The following NCAPH variants were observed in gnomAD, a reference collection of about 807,000 sequenced individuals.
The protein encoded by NCAPH is condensin complex subunit 2.
A neutral mutation model predicts 85.5 loss-of-function variants in NCAPH; 38 were observed. The ratio of observed to expected loss-of-function variants is 0.44; its 90% CI spans 0.34 to 0.58. The LOEUF is 0.58. Ranked by LOEUF, NCAPH falls within the 20% of genes least tolerant of loss-of-function variation. The pLI is 0.01. For synonymous variants in NCAPH, 301 were observed against 335.1 expected (o/e 0.90, Z 1.11); for missense variants, 789 against 916.6 (o/e 0.86, Z 1.80).
chr2:96,353,533 G>C (rs2064478979), intron 8 of NCAPH, 136 bp downstream of exon 8: 1 of 757,354 alleles, frequency 1.3e-6, no homozygotes, highest in African/African-American at 1.7e-5. Flanking sequence ...ACTTCTGTAG[G>C]GACAAAAACC....
intron 17 of NCAPH, among the ~76,000 whole-genome samples, chr2:96,372,165 A>G (rs1421083453): frequency 2.0e-5 from 3 of 152,190 alleles, no homozygotes; most frequent in Admixed American, 2.0e-4. Context: ...GAAAGGTCTC[A>G]TAGCTGCTTA....
intron 7 of NCAPH, 134 bp downstream of exon 7, chr2:96,352,154 A>G (rs2064453286): frequency 1.1e-6 from 1 of 892,476 alleles, no homozygotes; most frequent in African/African-American, 1.7e-5. Context: ...GGAATGCCAA[A>G]TTGTGTATCC....
At chr2:96,368,910 T>C in intron 15 of NCAPH, 62 bp from the exon 16 acceptor site, 1 of 1,450,266 alleles carries the variant, frequency 6.9e-7, no homozygotes. Context: ...AACTTTATTT[T>C]TGTTGCCCTT....
intron 9 of NCAPH, 37 bp from the exon 10 acceptor site, chr2:96,359,008 T>C: frequency 6.3e-7 from 1 of 1,594,576 alleles, no homozygotes; most frequent in Non-Finnish European, 8.6e-7. Context: ...AGCATTATAA[T>C]ATATGTATTG....
At chr2:96,343,553 C>T (rs187754349) in intron 5 of NCAPH, among the ~76,000 whole-genome samples, 1 of 152,272 alleles carries the variant, frequency 6.6e-6, no homozygotes, top group Admixed American at 6.5e-5. Context: ...TAAACATCAC[C>T]AACTAAGGAA....
chr2:96,358,016 C>T (rs1417836102), intron 9 of NCAPH, among the ~76,000 whole-genome samples: 1 of 152,136 alleles, frequency 6.6e-6, no homozygotes, highest in Non-Finnish European at 1.5e-5. Flanking sequence ...TCCTGACACG[C>T]CTGTAATCCT....
At chr2:96,356,230 ACCCATCCTTAAAT>A (rs1490876648) in intron 9 of NCAPH, among the ~76,000 whole-genome samples, 1 of 152,200 alleles carries the variant, frequency 6.6e-6, no homozygotes, top group Non-Finnish European at 1.5e-5. Context: ...CTCAGATTTT[ACCCATCCTTAAAT>A]CCCCTCCCCT....
chr2:96,351,734 T>A, intron 6 of NCAPH, 97 bp from the exon 7 acceptor site: 1 of 1,037,196 alleles, frequency 9.6e-7, no homozygotes, highest in Non-Finnish European at 1.4e-6. Flanking sequence ...CAGTCCAGTG[T>A]ATATACCTGC....
chr2:96,358,594 G>A (rs1055766017), intron 9 of NCAPH, among the ~76,000 whole-genome samples: 2 of 151,944 alleles, frequency 1.3e-5, no homozygotes, highest in East Asian at 1.9e-4. Context: ...TCAGCCTCCG[G>A]AGTAGCTGGG....
chr2:96,367,666 CAAAAAT>C (rs2064718872), intron 15 of NCAPH, among the ~76,000 whole-genome samples: 1 of 152,074 alleles, frequency 6.6e-6, no homozygotes, highest in Admixed American at 6.5e-5. Context: ...AAAAAGAAAA[CAAAAAT>C]AAAAGGAAGA....
chr2:96,338,045 G>T (rs993735215), intron 1 of NCAPH, among the ~76,000 whole-genome samples: 2 of 151,674 alleles, frequency 1.3e-5, no homozygotes, highest in African/African-American at 2.4e-5. Context: ...TCCTGCCTCA[G>T]CCTACCGAGT....
At chr2:96,372,021 A>G (rs2064781091) in intron 17 of NCAPH, among the ~76,000 whole-genome samples, 1 of 152,260 alleles carries the variant, frequency 6.6e-6, no homozygotes, top group African/African-American at 2.4e-5. Context: ...TGAGCTGCAG[A>G]AAACCCGCGA....
rs1319022220 is a variant in NCAPH at position 96,363,829 on chromosome 2, C to CT, written c.1588-641dup. Among the ~76,000 whole-genome samples, 1,001 of 145,820 alleles carry CT rather than the reference C, an allele frequency of 6.9e-3. 8 individuals carry two copies. The highest frequency in any genetic ancestry group is 0.023 in the African/African-American group (924 of 39,928). ...CTGTTAATTAAGGTAATGGGTTTTC[C>CT]TTTTTTTTTTTAAAGACAGGGTCTC... is the stretch of plus-strand genomic sequence containing the variant. On this transcript the variant is annotated intron_variant, in intron 12 of 17. Transcript: ENST00000240423.
In NCAPH at chr2:96,365,955, G is replaced by A. The variant is rs2064692291; in HGVS notation, c.1778G>A (p.Cys593Tyr). 6.2e-7 allele frequency: 1 copy of A among 1,614,116 alleles called. No individual in the cohort carries two copies. Among genetic ancestry groups the A allele is most frequent in the African/African-American group, 1.3e-5 (1 of 75,006 alleles). Residue 593 changes from cysteine to tyrosine, a missense_variant, in exon 14 of 18, where the codon TGC becomes TAC. By Grantham distance (194) the Cys-to-Tyr change is radical. Coordinates refer to ENST00000240423, the MANE Select transcript of NCAPH (RefSeq NM_015341.5). ...VGNSDLSPYP[C>Y]HPPKTAQQNG... ...AACTCTGACCTCTCACCTTATCCTT[G>A]CCATCCACCTAAGACAGCACAACAG...
Position 96,343,147 on chromosome 2 carries a change from G to A in NCAPH, c.457-19G>A, listed in dbSNP as rs1297522503. The stretch of plus-strand genomic sequence containing the variant: ...TTTTTTGTGTATCTTTGTGAGTGCA[G>A]CTCTGATTGTTTGACTAGGTGGCTG... On this transcript the variant is annotated intron_variant, in intron 4 of 17. Coordinates refer to ENST00000240423, the MANE Select transcript of NCAPH (RefSeq NM_015341.5). 8 of 1,613,660 alleles carry A rather than the reference G, an allele frequency of 5.0e-6. No homozygotes were observed. The highest frequency in any genetic ancestry group is 6.8e-6 in the Non-Finnish European group (8 of 1,179,868).
At position 96,360,470 on chromosome 2, in the gene NCAPH, C is replaced by T. The variant is rs545267346; in HGVS notation, c.1465-118C>T. 4.1e-6 allele frequency: 5 copies of T among 1,213,042 alleles called. No individual in the cohort carries two copies. In the African/African-American group the frequency reaches 6.1e-5, roughly 15 times the overall value. 75.1% of individuals were successfully genotyped at this position (1,213,042 alleles called of 1,614,324 possible). On this transcript the variant is annotated intron_variant, in intron 11 of 17. Coordinates refer to ENST00000240423, the MANE Select transcript of NCAPH (RefSeq NM_015341.5). ...AGCAAAATCACTTTTTTACATAGAA[C>T]TGTGAGACTGATGGTAGACTCATGC...
chr2:96,357,581 C>T (rs1000527026), intron 9 of NCAPH, among the ~76,000 whole-genome samples: 5 of 152,174 alleles, frequency 3.3e-5, no homozygotes, highest in Admixed American at 2.0e-4. Context: ...TTCCTTCTAC[C>T]TCTGGAGTTC....
chr2:96,340,537 C>T (rs2064278064), intron 1 of NCAPH, among the ~76,000 whole-genome samples: 1 of 151,878 alleles, frequency 6.6e-6, no homozygotes, highest in African/African-American at 2.4e-5. Flanking sequence ...ATTACAGGCG[C>T]CCGCCCCCAC....
chr2:96,338,719 G>A (rs1039206954), intron 1 of NCAPH, among the ~76,000 whole-genome samples: 1 of 152,214 alleles, frequency 6.6e-6, no homozygotes, highest in African/African-American at 2.4e-5. Flanking sequence ...AGCTGCAAAA[G>A]GCGAGGAACA....
Sources: allele counts gnomAD v4.1 joint callset (sites outside exome capture counted in the v4.1 genomes callset), GRCh38; gene constraint gnomAD v4.1.1; transcripts MANE v1.5; gene names NCBI Gene and HGNC (gene_info 2026-07-23, HGNC 2026-07-21).